SLIT3: variants seen among roughly 807,000 people sequenced by gnomAD.
SLIT3 encodes slit homolog 3 protein.
In SLIT3, 68 loss-of-function variants were observed where a neutral mutation model predicts 184.0. The ratio of observed to expected loss-of-function variants is 0.37; its 90% confidence interval spans 0.30 to 0.45. The LOEUF (loss-of-function observed/expected upper bound fraction) is 0.45. Ranked by LOEUF, SLIT3 falls within the 20% of genes least tolerant of loss-of-function variation. The pLI is 1.00. For missense variants in SLIT3, 1,707 were observed against 2,026.0 expected (o/e 0.84, Z 3.02); for synonymous variants, 831 against 828.6 (o/e 1.00, Z -0.05).
chr5:169,117,079 C>T (rs1173580043), intron 4 of SLIT3, among the ~76,000 whole-genome samples: 1 of 152,158 alleles, frequency 6.6e-6, no homozygotes, highest in Non-Finnish European at 1.5e-5. Context: ...TCAGAGGCTG[C>T]CCCAAGTCTA....
chr5:168,672,480 T>G (rs982845031), intron 33 of SLIT3, among the ~76,000 whole-genome samples: 1 of 152,032 alleles, frequency 6.6e-6, no homozygotes, highest in South Asian at 2.1e-4. Flanking sequence ...TTTTTGTGTT[T>G]TGTTGTTGTT....
intron 27 of SLIT3, among the ~76,000 whole-genome samples, chr5:168,698,646 A>C (rs1201332983): frequency 1.3e-5 from 2 of 152,036 alleles, no homozygotes; most frequent in African/African-American, 4.8e-5. Flanking sequence ...AGCCCTAAGG[A>C]ATTACTCTAG....
intron 8 of SLIT3, among the ~76,000 whole-genome samples, chr5:168,814,221 C>T (rs1046981645): frequency 7.2e-5 from 11 of 152,004 alleles, no homozygotes; most frequent in Non-Finnish European, 1.3e-4. Flanking sequence ...CATGGTGAAA[C>T]CCCATCGCTA....
chr5:168,870,763 C>T (rs147169097), intron 5 of SLIT3, among the ~76,000 whole-genome samples: 1 of 152,278 alleles, frequency 6.6e-6, no homozygotes. Context: ...TCATGTTGCA[C>T]ACTAATGTCA....
At chr5:168,922,388 C>T (rs1448331437) in intron 4 of SLIT3, among the ~76,000 whole-genome samples, 4 of 140,006 alleles carry the variant, frequency 2.9e-5, no homozygotes, top group Middle Eastern at 3.6e-3. Context: ...ACCCAGGAGG[C>T]GGAGCTTGCA....
At chr5:168,974,817 T>G (rs917544607) in intron 4 of SLIT3, among the ~76,000 whole-genome samples, 2 of 152,208 alleles carry the variant, frequency 1.3e-5, no homozygotes, top group African/African-American at 4.8e-5. Context: ...CTCCCATGCA[T>G]CTGATCCCAA....
At chr5:169,160,968 A>C (rs1762457594) in intron 4 of SLIT3, among the ~76,000 whole-genome samples, 1 of 152,182 alleles carries the variant, frequency 6.6e-6, no homozygotes, top group African/African-American at 2.4e-5. Context: ...TGGCCAAAAA[A>C]GCTTTGAGAT....
chr5:169,247,797 G>T (rs1279633604), intron 2 of SLIT3, among the ~76,000 whole-genome samples: 1 of 152,116 alleles, frequency 6.6e-6, no homozygotes, highest in African/African-American at 2.4e-5. Flanking sequence ...TAGAGACAGG[G>T]TTTTACGATG....
At chr5:168,979,030 G>A (rs1483912175) in intron 4 of SLIT3, among the ~76,000 whole-genome samples, 1 of 152,164 alleles carries the variant, frequency 6.6e-6, no homozygotes, top group Non-Finnish European at 1.5e-5. Flanking sequence ...GGTAGGATGG[G>A]GATGGAGGTT....
chr5:169,036,103 T>A (rs912640193), intron 4 of SLIT3: 4 of 152,264 alleles, frequency 2.6e-5, no homozygotes, highest in Non-Finnish European at 4.4e-5. Flanking sequence ...TCATTTGAGT[T>A]GCAAAAATAA....
At chr5:168,991,649 C>G (rs922476417) in intron 4 of SLIT3, among the ~76,000 whole-genome samples, 4 of 152,234 alleles carry the variant, frequency 2.6e-5, no homozygotes, top group Admixed American at 2.6e-4. Flanking sequence ...GAAAGCCTCC[C>G]CCTTCTCTCA....
At chr5:169,014,440 G>C (rs553150824) in intron 4 of SLIT3, among the ~76,000 whole-genome samples, 8 of 152,172 alleles carry the variant, frequency 5.3e-5, no homozygotes, top group Non-Finnish European at 1.2e-4. Context: ...AGGTGGAGAA[G>C]AGAAAGAATA....
At chr5:169,126,133 T>C (rs1452219080) in intron 4 of SLIT3, among the ~76,000 whole-genome samples, 1 of 152,248 alleles carries the variant, frequency 6.6e-6, no homozygotes, top group Non-Finnish European at 1.5e-5. Flanking sequence ...AGCTCTCCAA[T>C]GGCACATCGT....
intron 4 of SLIT3, among the ~76,000 whole-genome samples, chr5:169,060,025 G>A (rs1398092788): frequency 1.3e-5 from 2 of 152,220 alleles, no homozygotes; most frequent in Admixed American, 6.5e-5. Flanking sequence ...GCCATCTGCA[G>A]CCCAGAATAA....
intron 3 of SLIT3, among the ~76,000 whole-genome samples, chr5:169,199,280 G>A (rs1250569856): frequency 6.7e-6 from 1 of 149,622 alleles, no homozygotes; most frequent in Non-Finnish European, 1.5e-5. Flanking sequence ...CAGTGTGGCT[G>A]AAGTGTAGGA....
In SLIT3 at chr5:169,252,391, A is replaced by G. The variant is rs527322049; in HGVS notation, c.198-932T>C. 2.5e-4 allele frequency among the ~76,000 whole-genome samples: 38 copies of G among 152,342 alleles called. No homozygotes were observed. In the South Asian group the frequency reaches 6.2e-3, roughly 25 times the overall value. Reference sequence around the variant, plus strand: ...GAAGGATTTGCCATAGAAGAGCTGAAGTGGTGGCGGTGATATTGAAGTGAG... The same window carrying G: ...GAAGGATTTGCCATAGAAGAGCTGAGGTGGTGGCGGTGATATTGAAGTGAG... On this transcript the variant is annotated intron_variant, in intron 1 of 35. Transcript: ENST00000519560.
chr5:168,972,442 G>A (rs372378365), intron 4 of SLIT3, among the ~76,000 whole-genome samples: 2 of 150,588 alleles, frequency 1.3e-5, no homozygotes, highest in African/African-American at 2.4e-5. Flanking sequence ...GGATTATGGC[G>A]GACCCTTTTC....
intron 4 of SLIT3, among the ~76,000 whole-genome samples, chr5:169,117,244 TCC>T (rs1365472156): frequency 6.6e-6 from 1 of 152,034 alleles, no homozygotes; most frequent in Non-Finnish European, 1.5e-5. Context: ...GATACATAAC[TCC>T]ACAATGGACT....
intron 1 of SLIT3, among the ~76,000 whole-genome samples, chr5:169,268,227 G>C (rs867777582): frequency 1.3e-5 from 2 of 152,190 alleles, no homozygotes; most frequent in Non-Finnish European, 2.9e-5. Context: ...AGTGGCGGAG[G>C]GGGGAATGTG....
Sources: allele counts gnomAD v4.1 joint callset (sites outside exome capture counted in the v4.1 genomes callset), GRCh38; gene constraint gnomAD v4.1.1; transcripts MANE v1.5; gene names NCBI Gene and HGNC (gene_info 2026-07-23, HGNC 2026-07-21).